EXOC6B: variants seen among roughly 807,000 people sequenced by gnomAD.
The protein encoded by EXOC6B is exocyst complex component 6B.
A neutral mutation model predicts 113.5 loss-of-function variants in EXOC6B; 54 were observed. That is an observed-to-expected ratio of 0.48 (90% CI 0.38 to 0.60). The LOEUF (loss-of-function observed/expected upper bound fraction) is 0.60. Among genes scored for constraint, EXOC6B ranks in the 20% least tolerant of loss-of-function variants. The pLI is 0.00. For synonymous variants in EXOC6B, 357 were observed against 339.0 expected, an observed-to-expected ratio of 1.05 and a Z score of -0.58; for missense variants, 797 against 977.5, an observed-to-expected ratio of 0.82 and a Z score of 2.46.
At chr2:72,586,767 A>T (rs924432978) in intron 6 of EXOC6B, among the ~76,000 whole-genome samples, 4 of 148,874 alleles carry the variant, frequency 2.7e-5, no homozygotes, top group East Asian at 3.9e-4. Flanking sequence ...ATAAAAAAAT[A>T]AAAAAAAAAG....
intron 20 of EXOC6B, among the ~76,000 whole-genome samples, chr2:72,244,498 GAAGA>G (rs951553166): frequency 6.6e-6 from 1 of 151,428 alleles, no homozygotes; most frequent in African/African-American, 2.4e-5. Context: ...AAGAAAACTA[GAAGA>G]AAGAAGAGCA....
intron 18 of EXOC6B, among the ~76,000 whole-genome samples, chr2:72,393,042 G>A (rs531606981): frequency 4.0e-5 from 6 of 151,304 alleles, no homozygotes; most frequent in African/African-American, 1.5e-4. Flanking sequence ...AATGAGTCAA[G>A]GAAAAAGGGG....
At chr2:72,412,101 GA>G (rs1294846916) in intron 18 of EXOC6B, among the ~76,000 whole-genome samples, 1 of 151,612 alleles carries the variant, frequency 6.6e-6, no homozygotes, top group Non-Finnish European at 1.5e-5. Context: ...GATTGGACTA[GA>G]AAAAAATCTG....
At chr2:72,320,137 G>A (rs538552378) in intron 20 of EXOC6B, among the ~76,000 whole-genome samples, 2 of 150,656 alleles carry the variant, frequency 1.3e-5, no homozygotes, top group Non-Finnish European at 3.0e-5. Flanking sequence ...TCCCAGCCAA[G>A]CTTTTTTTTC....
At position 72,734,109 on chromosome 2, in the gene EXOC6B, G is replaced by A. The variant is rs145016564; in HGVS notation, c.280-991C>T. ...AGGATGTTTTCCAAATTTATCTAAC[G>A]TAATACCCTTTAACTGAAGATCTTC... On this transcript the variant is annotated intron_variant, in intron 2 of 21. Transcript: ENST00000272427. Among the ~76,000 whole-genome samples the A allele has an allele frequency of 1.9e-3, 291 of 152,196 alleles. 8 individuals carry two copies. The highest frequency in any genetic ancestry group is 6.9e-3 in the East Asian group (36 of 5,182).
At chr2:72,611,756 G>A (rs1418044153) in intron 6 of EXOC6B, among the ~76,000 whole-genome samples, 1 of 152,094 alleles carries the variant, frequency 6.6e-6, no homozygotes, top group Admixed American at 6.6e-5. Flanking sequence ...AGGAGAGTTG[G>A]TAAACAAACT....
chr2:72,188,146 A>C (rs1678569614), intron 20 of EXOC6B, among the ~76,000 whole-genome samples: 1 of 152,090 alleles, frequency 6.6e-6, no homozygotes, highest in African/African-American at 2.4e-5. Flanking sequence ...CCAGGAGGGT[A>C]GGGCTCTTGC....
chr2:72,647,957 G>A (rs778775445), intron 6 of EXOC6B, among the ~76,000 whole-genome samples: 11 of 152,164 alleles, frequency 7.2e-5, no homozygotes, highest in Non-Finnish European at 1.5e-5. Context: ...AAGAGCTTCT[G>A]CACGGCAAAA....
At chr2:72,642,647 A>C (rs1673347390) in intron 6 of EXOC6B, among the ~76,000 whole-genome samples, 1 of 147,780 alleles carries the variant, frequency 6.8e-6, no homozygotes, top group Non-Finnish European at 1.5e-5. Flanking sequence ...GTTAGACCTA[A>C]AACCATAAAA....
At chr2:72,743,506 A>G (rs1264759436) in intron 1 of EXOC6B, among the ~76,000 whole-genome samples, 1 of 151,954 alleles carries the variant, frequency 6.6e-6, no homozygotes, top group Non-Finnish European at 1.5e-5. Flanking sequence ...TGCAGTTCTT[A>G]TACTAGTAAT....
rs564071703 is a variant in EXOC6B, at chr2:72,423,452, A to G, written c.1980+41708T>C. Reference sequence around the variant, plus strand: ...TTTATATATGGGTTTTGATTCATATATAAGAAAATTAAAAATTAAGAATTT... The same window carrying G: ...TTTATATATGGGTTTTGATTCATATGTAAGAAAATTAAAAATTAAGAATTT... On this transcript the variant is annotated intron_variant, in intron 18 of 21. Coordinates refer to ENST00000272427, the MANE Select transcript of EXOC6B (RefSeq NM_015189.3). Among the ~76,000 whole-genome samples, 12 of 152,330 alleles carry G rather than the reference A, an allele frequency of 7.9e-5. No individual in the cohort carries two copies. In the South Asian group the frequency reaches 1.2e-3, roughly 16 times the overall value.
chr2:72,588,649 G>C (rs947003267), intron 6 of EXOC6B, among the ~76,000 whole-genome samples: 2 of 151,784 alleles, frequency 1.3e-5, no homozygotes, highest in African/African-American at 2.4e-5. Flanking sequence ...TACAATTACA[G>C]CTTGACCACA....
chr2:72,809,511 A>G (rs1383250062), intron 1 of EXOC6B, among the ~76,000 whole-genome samples: 1 of 152,196 alleles, frequency 6.6e-6, no homozygotes, highest in South Asian at 2.1e-4. Context: ...GAAATGATCA[A>G]CCCACCAAGA....
chr2:72,345,409 C>T (rs1689269710), intron 19 of EXOC6B, among the ~76,000 whole-genome samples: 1 of 152,000 alleles, frequency 6.6e-6, no homozygotes, highest in African/African-American at 2.4e-5. Context: ...TTTATAATTC[C>T]CAAATCTGGA....
At chr2:72,198,165 A>G (rs903602104) in intron 20 of EXOC6B, among the ~76,000 whole-genome samples, 7 of 152,174 alleles carry the variant, frequency 4.6e-5, no homozygotes, top group African/African-American at 7.2e-5. Context: ...GAAAAGAAAC[A>G]TATTTCAGGT....
In EXOC6B at chr2:72,273,487, G is replaced by C. The variant is rs1684626986; in HGVS notation, c.2196+61460C>G. On this transcript the variant is annotated intron_variant, in intron 20 of 21. Coordinates refer to ENST00000272427, the MANE Select transcript of EXOC6B (RefSeq NM_015189.3). ...GTATGATATGCTGCAACAAATCTTT[G>C]TGTAAGGTGTTCAAGAAGTATAGAG... 4.6e-5 allele frequency among the ~76,000 whole-genome samples: 7 copies of C among 152,252 alleles called. No individual in the cohort carries two copies. The South Asian group carries it at 1.5e-3, about 32-fold the overall frequency.
intron 7 of EXOC6B, among the ~76,000 whole-genome samples, chr2:72,562,645 T>C (rs1309322514): frequency 6.6e-6 from 1 of 152,162 alleles, no homozygotes; most frequent in African/African-American, 2.4e-5. Context: ...ATTTTACACA[T>C]GTCCAAATTT....
At chr2:72,774,400 G>T (rs77324241) in intron 1 of EXOC6B, among the ~76,000 whole-genome samples, 4,501 of 152,100 alleles carry the variant, frequency 0.03, 213 homozygotes, top group African/African-American at 0.1. Flanking sequence ...AAAAAATAGT[G>T]ACAACATCAA....
chr2:72,492,586 C>G (rs1451031005), intron 15 of EXOC6B, among the ~76,000 whole-genome samples, 157 bp from the exon 16 acceptor site: 1 of 151,712 alleles, frequency 6.6e-6, no homozygotes, highest in African/African-American at 2.4e-5. Context: ...AATAAACTCT[C>G]CTAGCTTTTG....
Sources: gnomAD v4.1 joint callset for allele counts (sites outside exome capture counted in the v4.1 genomes callset) on GRCh38, gnomAD v4.1.1 for gene constraint, MANE v1.5 for transcripts, NCBI Gene and HGNC (gene_info 2026-07-23, HGNC 2026-07-21) for gene names.